The following LRCH3 variants were observed in gnomAD, a reference collection of about 807,000 sequenced individuals.
LRCH3 encodes the protein DISP complex protein LRCH3.
Under a neutral mutation model 104.5 loss-of-function variants are expected in LRCH3, and 68 were observed. The observed-to-expected ratio is 0.65, with a 90% CI of 0.54 to 0.80. The LOEUF is 0.80. Ranked by LOEUF, LRCH3 falls within the 30% of genes least tolerant of loss-of-function variation. The pLI is 0.00. For synonymous variants in LRCH3, 344 were observed against 361.3 expected, an observed-to-expected ratio of 0.95 and a Z score of 0.54; for missense variants, 951 against 953.9, an observed-to-expected ratio of 1.00 and a Z score of 0.04.
intron 20 of LRCH3, chr3:197,876,335 C>T: frequency 6.6e-6 from 1 of 152,242 alleles, no homozygotes; most frequent in East Asian, 1.9e-4. Flanking sequence ...TTCCATGAAG[C>T]TCTGGTTCTT....
intron 20 of LRCH3, among the ~76,000 whole-genome samples, chr3:197,879,576 G>A (rs1021781004): frequency 7.2e-5 from 11 of 151,874 alleles, no homozygotes; most frequent in African/African-American, 2.4e-4. Context: ...AACCCGGGAG[G>A]CGGAGCTTGC....
At chr3:197,865,209 A>T (rs539735439) in intron 15 of LRCH3, among the ~76,000 whole-genome samples, 221 of 152,172 alleles carry the variant, frequency 1.5e-3, no homozygotes, top group Non-Finnish European at 2.7e-3. Flanking sequence ...GGCTGGTCTC[A>T]ACTCCTGCTC....
Position 197,854,963 on chromosome 3 carries a change from G to A in LRCH3, c.1644+518G>A, listed in dbSNP as rs1248258751. ...CAAGGAAACATTAACTGCTGATCGT[G>A]TTGAACACTGGCTTACTTTTATTGC... On this transcript the variant is annotated intron_variant, in intron 14 of 20. Transcript: ENST00000425562. The surrounding 1 kb of genome is among the most constrained non-coding windows in gnomAD (Gnocchi z 4.5). Among the ~76,000 whole-genome samples, 1 of 152,172 alleles carries A rather than the reference G, an allele frequency of 6.6e-6. No homozygotes were observed. The highest frequency in any genetic ancestry group is 1.5e-5 in the Non-Finnish European group (1 of 68,032).
intron 12 of LRCH3, chr3:197,851,013 A>G (rs1739519650): frequency 2.6e-6 from 2 of 769,848 alleles, no homozygotes; most frequent in Admixed American, 3.4e-5. Context: ...TTTTATGAAC[A>G]AGGAAACACG....
Position 197,886,824 on chromosome 3 carries a change from A to C in LRCH3, c.*3158A>C, listed in dbSNP as rs1714234897. The C allele has an allele frequency of 6.6e-6, 1 of 151,484 alleles. No individual in the cohort carries two copies. Among genetic ancestry groups the C allele is most frequent in the African/African-American group, 2.4e-5 (1 of 40,996 alleles). The allele number at this position is 151,484 out of a possible 1,614,324, so 9.4% of individuals were successfully genotyped here. On this transcript the variant is annotated 3_prime_UTR_variant, in exon 21 of 21. Transcript: ENST00000425562. ...TGTCTCAAAAAAAAAAAAAAAAAAAAACCCACCAAACCAAAAATATACTAT... is the reference window on the plus strand; with the variant it reads ...TGTCTCAAAAAAAAAAAAAAAAAAACACCCACCAAACCAAAAATATACTAT...
intron 10 of LRCH3, among the ~76,000 whole-genome samples, chr3:197,843,186 T>C (rs1338076029): frequency 6.6e-6 from 1 of 152,140 alleles, no homozygotes; most frequent in Non-Finnish European, 1.5e-5. Flanking sequence ...AAGTGTGTTA[T>C]AGCTTCTATA....
intron 8 of LRCH3, among the ~76,000 whole-genome samples, chr3:197,835,301 A>G (rs148640929): frequency 0.034 from 5,124 of 151,792 alleles, 255 homozygotes; most frequent in African/African-American, 0.11. Flanking sequence ...CTCTTGTCTC[A>G]GCCTCCCGAG....
intron 17 of LRCH3, among the ~76,000 whole-genome samples, chr3:197,869,008 A>G (rs921838435): frequency 2.0e-5 from 3 of 152,260 alleles, no homozygotes; most frequent in Non-Finnish European, 2.9e-5. Flanking sequence ...TAATCAAACA[A>G]AAGTAGTTGA....
At position 197,829,693 on chromosome 3, in the gene LRCH3, TTATC is replaced by T. The variant is rs776907706; in HGVS notation, c.887+25_887+28del. 6.7e-7 allele frequency: 1 copy of T among 1,492,978 alleles called. No individual in the cohort carries two copies. Among genetic ancestry groups the T allele is most frequent in the South Asian group, 1.2e-5 (1 of 82,894 alleles). The allele number at this position is 1,492,978 out of a possible 1,614,324, so 92.5% of individuals were successfully genotyped here. The stretch of plus-strand genomic sequence containing the variant: ...CTCCTGGTAAGTATATTCTGTCCCT[TTATC>T]TATCATATTTTTTGTACAGAGAATC... On this transcript the variant is annotated intron_variant, in intron 6 of 20. Transcript: ENST00000425562.
chr3:197,858,810 T>G, intron 14 of LRCH3, 24 bp from the exon 15 acceptor site: 3 of 1,599,982 alleles, frequency 1.9e-6, no homozygotes, highest in South Asian at 2.2e-5. Flanking sequence ...CTTCTGTTTC[T>G]TCTCTTTCTC....
At position 197,817,252 on chromosome 3, in the gene LRCH3, T is replaced by C; in HGVS notation, c.484T>C (p.Leu162=). 1 of 1,611,468 alleles carries C rather than the reference T, an allele frequency of 6.2e-7. No homozygotes were observed. Among genetic ancestry groups the C allele is most frequent in the Non-Finnish European group, 8.5e-7 (1 of 1,178,862 alleles). The change falls in exon 3 of 21, where the codon TTG becomes CTG. Residue 162 remains leucine (L), a synonymous_variant. Coordinates refer to ENST00000425562, the MANE Select transcript of LRCH3 (RefSeq NM_001365715.1). ...LKVLIASNNK[L]VSLPEEIGHL... is the part of the protein sequence containing the mutation. The stretch of plus-strand genomic sequence containing the variant: ...AGTCTTAATTGCTAGTAATAACAAA[T>C]TGGTGTCACTTCCAGAAGAAATTGG...
chr3:197,860,156 C>CAT (rs1255676095), intron 15 of LRCH3, among the ~76,000 whole-genome samples: 1 of 152,130 alleles, frequency 6.6e-6, no homozygotes, highest in Non-Finnish European at 1.5e-5. Context: ...TGCGCACCAC[C>CAT]ATGCCTGGCT....
At chr3:197,809,743 T>C (rs982318442) in intron 1 of LRCH3, among the ~76,000 whole-genome samples, 1 of 152,188 alleles carries the variant, frequency 6.6e-6, no homozygotes, top group Non-Finnish European at 1.5e-5. Flanking sequence ...CCCCTTCATA[T>C]CTTCTTTCTT....
At chr3:197,860,967 C>G (rs1463408636) in intron 15 of LRCH3, among the ~76,000 whole-genome samples, 1 of 150,514 alleles carries the variant, frequency 6.6e-6, no homozygotes, top group African/African-American at 2.5e-5. Context: ...AATGCTGACC[C>G]CAACTTTTTT....
At chr3:197,793,717 A>AT (rs372122891) in intron 1 of LRCH3, among the ~76,000 whole-genome samples, 63 of 152,354 alleles carry the variant, frequency 4.1e-4, no homozygotes, top group African/African-American at 1.4e-3. Context: ...CTACACTTTA[A>AT]TAGTTTTGTA....
chr3:197,859,077 A>G, intron 15 of LRCH3, 172 bp downstream of exon 15: 1 of 617,096 alleles, frequency 1.6e-6, no homozygotes. Context: ...TGAAAGTTTT[A>G]TGATGCTAGA....
intron 20 of LRCH3, chr3:197,882,201 C>CG (rs1038259126): frequency 1.0e-6 from 1 of 985,262 alleles, no homozygotes; most frequent in Non-Finnish European, 1.2e-6. Flanking sequence ...GAACACCGGC[C>CG]GCGCAGGTCC....
intron 5 of LRCH3, among the ~76,000 whole-genome samples, chr3:197,827,828 C>G (rs531625448): frequency 1.3e-5 from 2 of 151,944 alleles, no homozygotes; most frequent in African/African-American, 4.8e-5. Flanking sequence ...CCTGTAATTC[C>G]AGCACTTTGG....
At position 197,829,831 on chromosome 3, in the gene LRCH3, C is replaced by T. The variant is rs555473236; in HGVS notation, c.887+158C>T. Among the ~76,000 whole-genome samples, 5 of 152,346 alleles carry T rather than the reference C, an allele frequency of 3.3e-5. 1 individual carries two copies. ...GTATTGTAAAGTTGATTACCTAGAT[C>T]TGGCAAAGTCTAGTTCTAAGGGTTT... is the stretch of plus-strand genomic sequence containing the variant. On this transcript the variant is annotated intron_variant, in intron 6 of 20. Transcript: ENST00000425562.
Sources: gnomAD v4.1 joint callset for allele counts (sites outside exome capture counted in the v4.1 genomes callset) on GRCh38, gnomAD v4.1.1 for gene constraint, Gnocchi (gnomAD v3.1) non-coding constraint, MANE v1.5 for transcripts, NCBI Gene and HGNC (gene_info 2026-07-23, HGNC 2026-07-21) for gene names.